CILK1: variants seen among roughly 807,000 people sequenced by gnomAD.
CILK1 encodes ciliogenesis associated kinase 1, also known as serine/threonine-protein kinase ICK.
A neutral mutation model predicts 79.2 loss-of-function variants in CILK1; 47 were observed. The observed-to-expected ratio is 0.59, with a 90% CI of 0.47 to 0.76. The LOEUF (loss-of-function observed/expected upper bound fraction) is 0.76. Ranked by LOEUF, CILK1 falls within the 30% of genes least tolerant of loss-of-function variation. The pLI, the probability that CILK1 is intolerant of heterozygous loss-of-function variation, is 0.00. For synonymous variants in CILK1, 266 were observed against 275.9 expected, an observed-to-expected ratio of 0.96 and a Z score of 0.36; for missense variants, 660 against 769.5, an observed-to-expected ratio of 0.86 and a Z score of 1.68.
rs1052353020 is a variant in CILK1, at chr6:53,009,334, A to C, written c.1621+105T>G. ...AAGAGGCCTGAGCTTTCAGATGACAAAGGCCCCTGTGCTTCCAAAGCCCGT... is the reference window on the plus strand; with the variant it reads ...AAGAGGCCTGAGCTTTCAGATGACACAGGCCCCTGTGCTTCCAAAGCCCGT... On this transcript the variant is annotated intron_variant, in intron 12 of 13. Coordinates refer to ENST00000676107, the MANE Select transcript of CILK1 (RefSeq NM_014920.5). The C allele has an allele frequency of 3.7e-6, 4 of 1,088,812 alleles. No homozygotes were observed. The African/African-American group carries it at 6.2e-5, about 17-fold the overall frequency. The allele number at this position is 1,088,812 out of a possible 1,614,324, so 67.4% of individuals were successfully genotyped here.
intron 1 of CILK1, among the ~76,000 whole-genome samples, chr6:53,051,297 T>A (rs1269984990): frequency 1.3e-5 from 2 of 152,216 alleles, no homozygotes; most frequent in Non-Finnish European, 2.9e-5. Context: ...GTTTTCCTTG[T>A]CAGTTATATT....
chr6:53,054,986 T>A (rs1767749982), intron 1 of CILK1, among the ~76,000 whole-genome samples: 1 of 152,246 alleles, frequency 6.6e-6, no homozygotes. Flanking sequence ...AATGAATTAA[T>A]GCCATCATTA....
chr6:53,040,772 C>G (rs1202940824), intron 2 of CILK1, among the ~76,000 whole-genome samples: 1 of 152,182 alleles, frequency 6.6e-6, no homozygotes, highest in South Asian at 2.1e-4. Flanking sequence ...GGGAACAAGA[C>G]AGCAGTCACC....
At chr6:53,036,461 G>C (rs1286425195) in intron 3 of CILK1, among the ~76,000 whole-genome samples, 1 of 152,046 alleles carries the variant, frequency 6.6e-6, no homozygotes, top group Non-Finnish European at 1.5e-5. Flanking sequence ...TGTCACCCAG[G>C]CTGCAGTACA....
intron 1 of CILK1, among the ~76,000 whole-genome samples, chr6:53,041,627 T>C (rs930717528): frequency 1.3e-5 from 2 of 152,342 alleles, no homozygotes; most frequent in East Asian, 1.9e-4. Flanking sequence ...TTCATTATAA[T>C]GTTGATGAGG....
At chr6:53,048,294 T>C (rs1229694822) in intron 1 of CILK1, among the ~76,000 whole-genome samples, 3 of 152,354 alleles carry the variant, frequency 2.0e-5, no homozygotes, top group Middle Eastern at 3.4e-3. Flanking sequence ...TGGAAAGCCA[T>C]GATAATTGTT....
intron 1 of CILK1, among the ~76,000 whole-genome samples, chr6:53,050,421 T>TTGTG (rs538760776): frequency 6.6e-6 from 1 of 150,818 alleles, no homozygotes; most frequent in Non-Finnish European, 1.5e-5. Flanking sequence ...TTACTTGCAT[T>TTGTG]TGTGTGTGTG....
intron 1 of CILK1, among the ~76,000 whole-genome samples, chr6:53,051,443 T>C (rs1266194921): frequency 2.0e-5 from 3 of 152,198 alleles, no homozygotes; most frequent in African/African-American, 4.8e-5. Context: ...TGGCACTTCC[T>C]CCAGAGGCTC....
intron 3 of CILK1, 120 bp downstream of exon 3, chr6:53,037,819 C>T: frequency 3.0e-6 from 2 of 660,134 alleles, no homozygotes; most frequent in Non-Finnish European, 2.7e-6. Context: ...TTATCATTTG[C>T]CTCCCTTTCC....
At chr6:53,017,367 G>A (rs1037401044) in intron 7 of CILK1, among the ~76,000 whole-genome samples, 2 of 152,196 alleles carry the variant, frequency 1.3e-5, no homozygotes, top group African/African-American at 4.8e-5. Context: ...AAGATGGGGA[G>A]GAGATTAGAG....
intron 13 of CILK1, among the ~76,000 whole-genome samples, chr6:53,005,539 A>C (rs1764168637): frequency 6.6e-6 from 1 of 152,158 alleles, no homozygotes; most frequent in African/African-American, 2.4e-5. Flanking sequence ...ATAATTTGTC[A>C]GGATATCCTA....
In CILK1 at chr6:53,005,051, T is replaced by A. The variant is rs1211082727; in HGVS notation, c.*98A>T. 3 of 1,359,542 alleles carry A rather than the reference T, an allele frequency of 2.2e-6. No individual in the cohort carries two copies. Among genetic ancestry groups the A allele is most frequent in the Non-Finnish European group, 3.1e-6 (3 of 955,838 alleles). 84.2% of individuals were successfully genotyped at this position (1,359,542 alleles called of 1,614,324 possible). The stretch of plus-strand genomic sequence containing the variant: ...GAATAACTATAAAGTGTTGATTTGC[T>A]TTTATGCCCTCTGCACATCTTGCAG... On this transcript the variant is annotated 3_prime_UTR_variant, in exon 14 of 14. Transcript: ENST00000676107.
intron 7 of CILK1, among the ~76,000 whole-genome samples, chr6:53,016,870 A>G (rs1764922351): frequency 6.6e-6 from 1 of 152,228 alleles, no homozygotes; most frequent in South Asian, 2.1e-4. Flanking sequence ...ATTTTATAAC[A>G]TACAGCCTAA....
intron 5 of CILK1, among the ~76,000 whole-genome samples, chr6:53,026,623 G>A (rs1288016768): frequency 6.6e-6 from 1 of 152,206 alleles, no homozygotes; most frequent in African/African-American, 2.4e-5. Flanking sequence ...CTCCATCGGT[G>A]AGGAGGTGGT....
At chr6:53,056,012 C>T (rs1251358482) in intron 1 of CILK1, among the ~76,000 whole-genome samples, 4 of 152,086 alleles carry the variant, frequency 2.6e-5, no homozygotes, top group Admixed American at 2.0e-4. Flanking sequence ...CAGGGGTGGG[C>T]AAGATAAGGG....
intron 1 of CILK1, among the ~76,000 whole-genome samples, chr6:53,056,867 ACTT>A (rs1212875270): frequency 6.6e-6 from 1 of 152,180 alleles, no homozygotes; most frequent in Non-Finnish European, 1.5e-5. Context: ...GTCACGCCCC[ACTT>A]CTTTGCAAAC....
intron 1 of CILK1, among the ~76,000 whole-genome samples, chr6:53,059,692 A>G (rs764112797): frequency 2.0e-5 from 3 of 152,222 alleles, no homozygotes; most frequent in Non-Finnish European, 4.4e-5. Context: ...TTAGATAGGA[A>G]GGGAAAGGCT....
At chr6:53,033,302 G>T (rs1026262777) in intron 3 of CILK1, among the ~76,000 whole-genome samples, 1 of 152,194 alleles carries the variant, frequency 6.6e-6, no homozygotes, top group African/African-American at 2.4e-5. Flanking sequence ...GATGAGGAAT[G>T]AGAGGGTGGC....
At chr6:53,032,050 C>CGTGA (rs1316457341) in intron 4 of CILK1, among the ~76,000 whole-genome samples, 1 of 152,158 alleles carries the variant, frequency 6.6e-6, no homozygotes, top group Non-Finnish European at 1.5e-5. Context: ...TGAGGCTGGT[C>CGTGA]GTGACCTCCT....
Sources: gnomAD v4.1 joint callset for allele counts (sites outside exome capture counted in the v4.1 genomes callset) on GRCh38, gnomAD v4.1.1 for gene constraint, MANE v1.5 for transcripts, NCBI Gene and HGNC (gene_info 2026-07-23, HGNC 2026-07-21) for gene names.